Variants in EGF observed in about 807,000 individuals in gnomAD.
The protein encoded by EGF is epidermal growth factor.
Under a neutral mutation model 143.8 loss-of-function variants are expected in EGF, and 95 were observed. The observed-to-expected ratio is 0.66, with a 90% CI of 0.56 to 0.78. The LOEUF is 0.78. Among genes scored for constraint, EGF ranks in the 30% least tolerant of loss-of-function variants. The pLI is 0.00. For missense variants in EGF, 1,320 were observed against 1,470.9 expected, an observed-to-expected ratio of 0.90 and a Z score of 1.68; for synonymous variants, 510 against 510.5, an observed-to-expected ratio of 1.00 and a Z score of 0.01.
rs540813792 is a variant in EGF at position 110,003,490 on chromosome 4, G to C, written c.3174-1015G>C. Among the ~76,000 whole-genome samples, 7 of 152,226 alleles carry C rather than the reference G, an allele frequency of 4.6e-5. No individual in the cohort carries two copies. In the South Asian group the frequency reaches 6.2e-4, roughly 14 times the overall value. ...CCCACACCATCTCTTGGTACTGTCT[G>C]TGATGCCAGATTCACAGCAGCCCCT... On this transcript the variant is annotated intron_variant, in intron 21 of 23. Transcript: ENST00000265171.
intron 10 of EGF, among the ~76,000 whole-genome samples, chr4:109,965,850 C>T (rs1578282247): frequency 6.6e-6 from 1 of 151,864 alleles, no homozygotes; most frequent in Non-Finnish European, 1.5e-5. Context: ...AGTGAAGTAC[C>T]CCTATTTGTA....
intron 5 of EGF, among the ~76,000 whole-genome samples, chr4:109,948,278 G>A (rs934779930): frequency 1.3e-5 from 2 of 152,154 alleles, no homozygotes; most frequent in Admixed American, 6.5e-5. Flanking sequence ...ACAGGCAAAG[G>A]ACTTTTGATT....
chr4:109,983,897 C>T (rs1039497885), intron 16 of EGF, among the ~76,000 whole-genome samples: 1 of 152,188 alleles, frequency 6.6e-6, no homozygotes, highest in African/African-American at 2.4e-5. Context: ...TTCTATTAGC[C>T]TGAAAAGTTG....
chr4:109,982,058 C>T (rs911271713), intron 15 of EGF, among the ~76,000 whole-genome samples: 1 of 151,704 alleles, frequency 6.6e-6, no homozygotes, highest in Non-Finnish European at 1.5e-5. Context: ...ACCTTAGCCT[C>T]CTAGTAGCTG....
chr4:109,915,475 A>G (rs541636722), intron 1 of EGF, among the ~76,000 whole-genome samples: 47 of 152,316 alleles, frequency 3.1e-4, no homozygotes, highest in African/African-American at 1.1e-3. Context: ...GTGACACGGC[A>G]CAGATCCATG....
In EGF at chr4:109,983,407, A is replaced by G. The variant is rs11569029; in HGVS notation, c.2372-15A>G. ...AGAAAAGCTAAATTTAATTGCATCT[A>G]TTGACCTTCAATAGGTGGTGAAGTT... On this transcript the variant is annotated splice_polypyrimidine_tract_variant and intron_variant, in intron 15 of 23. Transcript: ENST00000265171. 9 of 1,612,996 alleles carry G rather than the reference A, an allele frequency of 5.6e-6. No homozygotes were observed. Among genetic ancestry groups the G allele is most frequent in the South Asian group, 4.4e-5 (4 of 90,976 alleles).
chr4:109,970,491 T>C (rs1347204576), intron 11 of EGF, among the ~76,000 whole-genome samples: 1 of 152,142 alleles, frequency 6.6e-6, no homozygotes, highest in East Asian at 1.9e-4. Flanking sequence ...TGGGTTTCTA[T>C]GCTTGGGGGT....
chr4:109,940,386 T>C (rs1405614778), intron 1 of EGF, among the ~76,000 whole-genome samples: 4 of 152,180 alleles, frequency 2.6e-5, no homozygotes, highest in African/African-American at 9.7e-5. Flanking sequence ...GTGGTAAAGA[T>C]AACAGGGTCA....
At chr4:109,997,025 G>A (rs764640432) in intron 20 of EGF, among the ~76,000 whole-genome samples, 2 of 151,702 alleles carry the variant, frequency 1.3e-5, no homozygotes, top group African/African-American at 2.4e-5. Context: ...GGAGACCATC[G>A]TCTTATTATT....
rs147016280 is a variant in EGF at position 109,956,417 on chromosome 4, TA to T, written c.941-2891del. 4.7e-3 allele frequency among the ~76,000 whole-genome samples: 718 copies of T among 152,308 alleles called. 5 individuals carry two copies. Among genetic ancestry groups the T allele is most frequent in the African/African-American group, 0.017 (697 of 41,566 alleles). On this transcript the variant is annotated intron_variant, in intron 5 of 23. Coordinates refer to ENST00000265171, the MANE Select transcript of EGF (RefSeq NM_001963.6). ...AGAAAGTGTAGCATTTCAGTGCTATTAAAAGGCCAACTCAAACCTTCCTGGA... is the reference window on the plus strand; with the variant it reads ...AGAAAGTGTAGCATTTCAGTGCTATTAAAGGCCAACTCAAACCTTCCTGGA...
chr4:109,991,805 T>A (rs576984445), intron 18 of EGF, among the ~76,000 whole-genome samples: 25 of 152,022 alleles, frequency 1.6e-4, no homozygotes, highest in Non-Finnish European at 3.4e-4. Flanking sequence ...CTTTGGGAAG[T>A]CTCCTTTCCT....
At chr4:109,925,362 T>C (rs1738457692) in intron 1 of EGF, among the ~76,000 whole-genome samples, 1 of 152,372 alleles carries the variant, frequency 6.6e-6, no homozygotes, top group African/African-American at 2.4e-5. Flanking sequence ...TATCACAGCG[T>C]ATGGTTGTTT....
chr4:109,996,085 C>A (rs1381479357), intron 20 of EGF, among the ~76,000 whole-genome samples: 1 of 152,034 alleles, frequency 6.6e-6, no homozygotes, highest in Non-Finnish European at 1.5e-5. Context: ...CTGATCATCC[C>A]AAATAATGAA....
chr4:109,933,107 C>T (rs1289928353), intron 1 of EGF, among the ~76,000 whole-genome samples: 2 of 152,128 alleles, frequency 1.3e-5, no homozygotes, highest in African/African-American at 4.8e-5. Context: ...ATTTTTTTCC[C>T]ATAATAATCC....
intron 12 of EGF, 145 bp from the exon 13 acceptor site, chr4:109,975,867 A>G (rs1163133008): frequency 1.1e-6 from 1 of 902,190 alleles, no homozygotes; most frequent in Non-Finnish European, 1.8e-6. Flanking sequence ...TTTGCCGAAC[A>G]TACAGCGCTA....
At chr4:109,959,530 A>G in intron 6 of EGF, 93 bp downstream of exon 6, 1 of 1,603,342 alleles carries the variant, frequency 6.2e-7, no homozygotes, top group Non-Finnish European at 8.5e-7. Flanking sequence ...TCAGTGGGCC[A>G]GCCAGAGACT....
At chr4:109,955,826 A>C (rs1744701360) in intron 5 of EGF, among the ~76,000 whole-genome samples, 1 of 152,218 alleles carries the variant, frequency 6.6e-6, no homozygotes, top group African/African-American at 2.4e-5. Context: ...TATAAATGTG[A>C]ATAGGGCACA....
intron 10 of EGF, among the ~76,000 whole-genome samples, chr4:109,966,040 T>A (rs73841117): frequency 0.031 from 4,704 of 150,782 alleles, 220 homozygotes; most frequent in African/African-American, 0.1. Flanking sequence ...TTTAAAAAAA[T>A]ATATATATAT....
chr4:109,980,794 C>T (rs993684055), intron 14 of EGF, 32 bp from the exon 15 acceptor site: 1 of 1,613,666 alleles, frequency 6.2e-7, no homozygotes, highest in Admixed American at 1.7e-5. Context: ...ATCTTCAAAC[C>T]CACTTGTGAA....
Sources: allele counts gnomAD v4.1 joint callset (sites outside exome capture counted in the v4.1 genomes callset), GRCh38; gene constraint gnomAD v4.1.1; transcripts MANE v1.5; gene names NCBI Gene and HGNC (gene_info 2026-07-23, HGNC 2026-07-21).